CNTNAP2: variants seen among roughly 807,000 people sequenced by gnomAD.
CNTNAP2 encodes contactin associated protein 2.
CNTNAP2 carries 98 observed loss-of-function variants against 155.2 expected under a neutral mutation model. The observed-to-expected ratio is 0.63, with a 90% CI of 0.54 to 0.75. The LOEUF (loss-of-function observed/expected upper bound fraction) is 0.75. CNTNAP2 is among the 30% of genes least tolerant of loss of function. The pLI, the probability that CNTNAP2 is intolerant of heterozygous loss-of-function variation, is 0.00. For synonymous variants in CNTNAP2, 651 were observed against 631.2 expected (o/e 1.03, Z -0.47); for missense variants, 1,727 against 1,688.1 (o/e 1.02, Z -0.40).
chr7:146,227,052 A>C (rs1799304326), intron 1 of CNTNAP2, among the ~76,000 whole-genome samples: 1 of 152,186 alleles, frequency 6.6e-6, no homozygotes, highest in Non-Finnish European at 1.5e-5. Flanking sequence ...CCAATTTTTT[A>C]AGACACACTT....
intron 1 of CNTNAP2, among the ~76,000 whole-genome samples, chr7:146,276,817 G>T (rs951154012): frequency 2.0e-5 from 3 of 152,226 alleles, no homozygotes; most frequent in African/African-American, 7.2e-5. Context: ...TGACAAATCA[G>T]ATTCCTGTGC....
At chr7:147,998,370 C>T (rs1302316845) in intron 15 of CNTNAP2, among the ~76,000 whole-genome samples, 2 of 152,100 alleles carry the variant, frequency 1.3e-5, no homozygotes, top group African/African-American at 4.8e-5. Context: ...CTTGGCCTCC[C>T]AAAGTGCTGG....
At chr7:147,398,510 T>C (rs1796858354) in intron 10 of CNTNAP2, among the ~76,000 whole-genome samples, 2 of 151,350 alleles carry the variant, frequency 1.3e-5, no homozygotes, top group Non-Finnish European at 2.9e-5. Flanking sequence ...CTGCAATGAT[T>C]TGATGAGTAG....
intron 13 of CNTNAP2, among the ~76,000 whole-genome samples, chr7:147,746,373 C>G (rs1375159128): frequency 1.3e-5 from 2 of 152,192 alleles, no homozygotes; most frequent in African/African-American, 4.8e-5. Context: ...CTAGTAGAGA[C>G]AGTCCATAAA....
intron 13 of CNTNAP2, among the ~76,000 whole-genome samples, chr7:147,825,256 A>G (rs1337027080): frequency 1.3e-5 from 2 of 152,206 alleles, no homozygotes; most frequent in East Asian, 3.8e-4. Flanking sequence ...TGCAGTTTAT[A>G]GATATCCTGA....
intron 14 of CNTNAP2, among the ~76,000 whole-genome samples, chr7:147,956,649 C>T (rs937598289): frequency 1.3e-5 from 2 of 152,166 alleles, no homozygotes; most frequent in African/African-American, 4.8e-5. Flanking sequence ...TGTGAGATTT[C>T]AGTTTACTGC....
chr7:146,603,111 TA>T (rs1326295358), intron 1 of CNTNAP2, among the ~76,000 whole-genome samples: 1 of 151,528 alleles, frequency 6.6e-6, no homozygotes, highest in African/African-American at 2.4e-5. Flanking sequence ...TTAGTACATG[TA>T]AATTTAAAAT....
intron 21 of CNTNAP2, among the ~76,000 whole-genome samples, chr7:148,359,141 G>A (rs940479898): frequency 6.6e-6 from 1 of 152,170 alleles, no homozygotes; most frequent in Non-Finnish European, 1.5e-5. Context: ...ACAATAACAT[G>A]CTCTACAGAT....
intron 1 of CNTNAP2, among the ~76,000 whole-genome samples, chr7:146,248,788 C>T (rs1222055327): frequency 6.6e-6 from 1 of 152,080 alleles, no homozygotes; most frequent in African/African-American, 2.4e-5. Context: ...AAGGGAAGTC[C>T]CCTGATCCGA....
In CNTNAP2 at chr7:148,417,873, G is replaced by C. The variant is rs1463489609; in HGVS notation, c.*2257G>C. The C allele has an allele frequency of 6.6e-6, 1 of 152,190 alleles. No individual in the cohort carries two copies. Among genetic ancestry groups the C allele is most frequent in the Non-Finnish European group, 1.5e-5 (1 of 68,046 alleles). 9.4% of individuals were successfully genotyped at this position (152,190 alleles called of 1,614,324 possible). On this transcript the variant is annotated 3_prime_UTR_variant, in exon 24 of 24. Coordinates refer to ENST00000361727, the MANE Select transcript of CNTNAP2 (RefSeq NM_014141.6). ...CCAAAACAGCTTCTGCTACTAAAAT[G>C]TTCTCATCCTTTCTCCTCCCTCTCC...
At chr7:148,293,535 AT>A (rs1408961854) in intron 21 of CNTNAP2, among the ~76,000 whole-genome samples, 2 of 152,238 alleles carry the variant, frequency 1.3e-5, no homozygotes, top group Admixed American at 6.5e-5. Context: ...TTGGGATATA[AT>A]CCCCCAAAAT....
intron 1 of CNTNAP2, among the ~76,000 whole-genome samples, chr7:146,616,180 A>G (rs550151203): frequency 1.3e-5 from 2 of 152,140 alleles, no homozygotes; most frequent in Admixed American, 1.3e-4. Flanking sequence ...ATGAAACGGG[A>G]GTTGAGAAAA....
chr7:146,986,344 A>C (rs2129237912), intron 3 of CNTNAP2, among the ~76,000 whole-genome samples: 1 of 152,236 alleles, frequency 6.6e-6, no homozygotes, highest in South Asian at 2.1e-4. Context: ...ATTCCTTTTT[A>C]TGGCTGAGCA....
intron 12 of CNTNAP2, among the ~76,000 whole-genome samples, chr7:147,619,265 A>G (rs1321868171): frequency 1.3e-5 from 2 of 152,248 alleles, no homozygotes; most frequent in African/African-American, 4.8e-5. Flanking sequence ...TTCTGTTTGC[A>G]TTATATGCAT....
intron 11 of CNTNAP2, among the ~76,000 whole-genome samples, chr7:147,546,859 A>G (rs1471255474): frequency 1.3e-5 from 2 of 152,204 alleles, no homozygotes; most frequent in East Asian, 3.9e-4. Context: ...CTCCAAGGGC[A>G]TTGACTTTAC....
intron 21 of CNTNAP2, among the ~76,000 whole-genome samples, chr7:148,298,299 A>G (rs1358624406): frequency 6.6e-6 from 1 of 152,180 alleles, no homozygotes; most frequent in Non-Finnish European, 1.5e-5. Context: ...GCCTAAAAAC[A>G]TGTCATGAAA....
chr7:147,547,443 C>A (rs1032955107), intron 11 of CNTNAP2, among the ~76,000 whole-genome samples: 3 of 152,088 alleles, frequency 2.0e-5, no homozygotes, highest in Non-Finnish European at 4.4e-5. Context: ...TACATTCAAT[C>A]CCCTGGGCTC....
intron 1 of CNTNAP2, among the ~76,000 whole-genome samples, chr7:146,687,257 CT>C (rs748564899): frequency 1.3e-5 from 2 of 152,220 alleles, no homozygotes; most frequent in Non-Finnish European, 2.9e-5. Context: ...GTTAAACTGC[CT>C]GGAATGAAAT....
chr7:147,231,917 A>G (rs1187960217), intron 8 of CNTNAP2, among the ~76,000 whole-genome samples: 1 of 151,982 alleles, frequency 6.6e-6, no homozygotes, highest in African/African-American at 2.4e-5. Context: ...TTTGTTTGTG[A>G]TTTTTGCTGT....
Sources: gnomAD v4.1 joint callset for allele counts (sites outside exome capture counted in the v4.1 genomes callset) on GRCh38, gnomAD v4.1.1 for gene constraint, MANE v1.5 for transcripts, NCBI Gene and HGNC (gene_info 2026-07-23, HGNC 2026-07-21) for gene names.